The following PLD5 variants were observed in gnomAD, a reference collection of about 807,000 sequenced individuals.
PLD5 encodes inactive phospholipase D5.
A neutral mutation model predicts 61.1 loss-of-function variants in PLD5; 36 were observed. The observed-to-expected ratio is 0.59, with a 90% CI of 0.45 to 0.78. The LOEUF is 0.78. Among genes scored for constraint, PLD5 ranks in the 30% least tolerant of loss-of-function variants. PLD5 has a pLI of 0.00. For synonymous variants in PLD5, 243 were observed against 242.8 expected, an observed-to-expected ratio of 1.00 and a Z score of -0.01; for missense variants, 515 against 644.4, an observed-to-expected ratio of 0.80 and a Z score of 2.17.
At chr1:242,298,488 C>G (rs1174321566) in intron 2 of PLD5, among the ~76,000 whole-genome samples, 1 of 152,182 alleles carries the variant, frequency 6.6e-6, no homozygotes, top group African/African-American at 2.4e-5. Flanking sequence ...TGCCACTGAG[C>G]TGGGATTTTA....
rs1306168246 is a variant in PLD5 at position 242,124,621 on chromosome 1, G to C, written c.780C>G (p.Val260=). 6.2e-7 allele frequency: 1 copy of C among 1,613,726 alleles called. No individual in the cohort carries two copies. Among genetic ancestry groups the C allele is most frequent in the Non-Finnish European group, 8.5e-7 (1 of 1,179,906 alleles). The change falls in exon 6 of 10, where the codon GTC becomes GTG. Residue 260 remains valine, a synonymous_variant. Transcript: ENST00000536534. ...GAGCAAATATCCTTTGTAAATCTAG[G>C]ACCAGGCAGCTGCAGTTGTAGAAGA... is the stretch of plus-strand genomic sequence containing the variant. ...GVIFYNCSCL[V]LDLQRIFALY...
In PLD5 at chr1:242,336,058, T is replaced by C. The variant is rs559024836; in HGVS notation, c.326+12048A>G. ...AATAGGCACGCCACAGGTGAAGAAG[T>C]AAACATGTCTCAAAAACATGTGAAA... On this transcript the variant is annotated intron_variant, in intron 2 of 9. Transcript: ENST00000536534. Among the ~76,000 whole-genome samples, 116 of 152,336 alleles carry C rather than the reference T, an allele frequency of 7.6e-4. 1 individual carries two copies. The highest frequency in any genetic ancestry group is 2.7e-3 in the African/African-American group (112 of 41,584).
chr1:242,421,776 G>A (rs12130625), intron 1 of PLD5, among the ~76,000 whole-genome samples: 11,605 of 152,152 alleles, frequency 0.076, 486 homozygotes, highest in Middle Eastern at 0.18. Flanking sequence ...CTTCTGTTGT[G>A]GATGATGTTG....
chr1:242,186,513 T>C (rs1667904896), intron 5 of PLD5, among the ~76,000 whole-genome samples: 1 of 152,062 alleles, frequency 6.6e-6, no homozygotes, highest in Non-Finnish European at 1.5e-5. Context: ...TTTTTTAAAG[T>C]TTCTTTAAAA....
chr1:242,128,771 C>T (rs1008146939), intron 5 of PLD5, among the ~76,000 whole-genome samples: 1 of 152,096 alleles, frequency 6.6e-6, no homozygotes, highest in African/African-American at 2.4e-5. Context: ...AGCAAGTCAC[C>T]TATGGAGCAG....
Position 242,261,649 on chromosome 1 carries a change from A to T in PLD5, c.607+3688T>A, listed in dbSNP as rs181148760. On this transcript the variant is annotated intron_variant, in intron 4 of 9. Coordinates refer to ENST00000536534, the MANE Select transcript of PLD5 (RefSeq NM_001372062.1). ...CCTAATAATCAATAGGAATGGGCCA[A>T]TTAAAACAACAATAACACTGGGCAA... 5.5e-3 allele frequency among the ~76,000 whole-genome samples: 831 copies of T among 152,310 alleles called. 5 individuals are homozygous for T. Among genetic ancestry groups the T allele is most frequent in the African/African-American group, 0.018 (767 of 41,564 alleles).
chr1:242,359,752 TATTAATA>T (rs1377625753), intron 1 of PLD5, among the ~76,000 whole-genome samples: 1 of 152,184 alleles, frequency 6.6e-6, no homozygotes, highest in Non-Finnish European at 1.5e-5. Context: ...ATAGGGTTAT[TATTAATA>T]ATTAAGTTAA....
intron 5 of PLD5, among the ~76,000 whole-genome samples, chr1:242,170,305 G>T (rs1666655240): frequency 6.6e-6 from 1 of 152,164 alleles, no homozygotes. Context: ...GTCTGGAGTG[G>T]ACCGCTAACA....
chr1:242,122,935 C>T (rs1295691330), intron 6 of PLD5, among the ~76,000 whole-genome samples: 1 of 152,112 alleles, frequency 6.6e-6, no homozygotes, highest in East Asian at 1.9e-4. Context: ...CAATATCAAC[C>T]AAGGTTGAAA....
At chr1:242,448,560 G>C (rs1406896331) in intron 1 of PLD5, among the ~76,000 whole-genome samples, 1 of 152,168 alleles carries the variant, frequency 6.6e-6, no homozygotes, top group African/African-American at 2.4e-5. Context: ...TTGCAAGCCA[G>C]TTCTTCCCCC....
chr1:242,113,936 T>C lies in PLD5; in HGVS notation c.1024A>G (p.Ile342Val). 1.2e-6 allele frequency: 2 copies of C among 1,614,036 alleles called. No individual in the cohort carries two copies. The highest frequency in any genetic ancestry group is 1.7e-6 in the Non-Finnish European group (2 of 1,179,946). ...VIDDAKQYVY[I>V]AVMDYLPISS... ...ATAGGCAGGTAGTCCATGACAGCGA[T>C]GTACACATACTGCTTGGCATCATCT... Residue 342 changes from isoleucine to valine, a missense_variant, in exon 7 of 10, where the codon ATC becomes GTC. Coordinates refer to ENST00000536534, the MANE Select transcript of PLD5 (RefSeq NM_001372062.1).
At chr1:242,208,864 T>C (rs977928181) in intron 5 of PLD5, among the ~76,000 whole-genome samples, 1 of 152,334 alleles carries the variant, frequency 6.6e-6, no homozygotes, top group South Asian at 2.1e-4. Flanking sequence ...TACACACTGA[T>C]GAAGTTTAAA....
At chr1:242,365,022 C>A in intron 1 of PLD5, among the ~76,000 whole-genome samples, 1 of 149,876 alleles carries the variant, frequency 6.7e-6, no homozygotes. Flanking sequence ...CTATGAGAAA[C>A]AGGACATCAC....
At chr1:242,353,238 A>G (rs3964164) in intron 1 of PLD5, among the ~76,000 whole-genome samples, 1 of 152,026 alleles carries the variant, frequency 6.6e-6, no homozygotes, top group East Asian at 1.9e-4. Flanking sequence ...TTGCATATGA[A>G]TATCCAGTTT....
chr1:242,400,394 A>T (rs897784553), intron 1 of PLD5, among the ~76,000 whole-genome samples: 1 of 152,044 alleles, frequency 6.6e-6, no homozygotes, highest in Admixed American at 6.6e-5. Flanking sequence ...AAGGAAGGAC[A>T]AAAATGAAGA....
At chr1:242,437,132 G>A (rs1352817488) in intron 1 of PLD5, among the ~76,000 whole-genome samples, 1 of 152,156 alleles carries the variant, frequency 6.6e-6, no homozygotes, top group Non-Finnish European at 1.5e-5. Flanking sequence ...TGATCTGTAA[G>A]AACTCTACTG....
At chr1:242,169,738 T>A (rs1330467642) in intron 5 of PLD5, among the ~76,000 whole-genome samples, 1 of 152,158 alleles carries the variant, frequency 6.6e-6, no homozygotes, top group African/African-American at 2.4e-5. Context: ...ATACTCCAGC[T>A]TCGTTGTGGG....
intron 5 of PLD5, among the ~76,000 whole-genome samples, chr1:242,198,128 G>A (rs1306151544): frequency 6.6e-6 from 1 of 152,094 alleles, no homozygotes; most frequent in African/African-American, 2.4e-5. Flanking sequence ...AAATAATAGG[G>A]AAATGATACT....
At chr1:242,473,818 C>T (rs191001548) in intron 1 of PLD5, among the ~76,000 whole-genome samples, 5 of 151,938 alleles carry the variant, frequency 3.3e-5, no homozygotes, top group Admixed American at 6.6e-5. Context: ...AAAGTGGGTG[C>T]TGAGAAATAC....
Sources: gnomAD v4.1 joint callset for allele counts (sites outside exome capture counted in the v4.1 genomes callset) on GRCh38, gnomAD v4.1.1 for gene constraint, MANE v1.5 for transcripts, NCBI Gene and HGNC (gene_info 2026-07-23, HGNC 2026-07-21) for gene names.